Variants in NEBL observed in about 807,000 individuals in gnomAD.
NEBL encodes nebulette.
A neutral mutation model predicts 140.2 loss-of-function variants in NEBL; 122 were observed. The ratio of observed to expected loss-of-function variants is 0.87; its 90% CI spans 0.75 to 1.01. The LOEUF (loss-of-function observed/expected upper bound fraction) is 1.01, where lower values mean the gene tolerates loss of function less well. NEBL is among the 50% of genes least tolerant of loss of function. NEBL has a pLI of 0.00. For synonymous variants in NEBL, 436 were observed against 398.9 expected (o/e 1.09, Z -1.11); for missense variants, 1,365 against 1,231.3 (o/e 1.11, Z -1.62).
At chr10:20,973,090 C>T (rs1399597453) in intron 3 of NEBL, among the ~76,000 whole-genome samples, 1 of 152,094 alleles carries the variant, frequency 6.6e-6, no homozygotes, top group Non-Finnish European at 1.5e-5. Flanking sequence ...ATTACAGTGT[C>T]AGTTGTAAGA....
intron 2 of NEBL, among the ~76,000 whole-genome samples, chr10:21,049,728 C>G (rs554819369): frequency 2.5e-4 from 38 of 152,182 alleles, no homozygotes; most frequent in Admixed American, 4.6e-4. Context: ...TGCTTCTCCC[C>G]CTACTGCAGT....
At chr10:20,986,125 T>C (rs1837248528) in intron 3 of NEBL, among the ~76,000 whole-genome samples, 1 of 152,192 alleles carries the variant, frequency 6.6e-6, no homozygotes, top group African/African-American at 2.4e-5. Context: ...ACATCATAAT[T>C]CATTGTCCTC....
chr10:21,182,103 C>A lies in NEBL; in HGVS notation n.349-9626G>T, dbSNP rs140822610. 3.1e-3 allele frequency among the ~76,000 whole-genome samples: 464 copies of A among 151,032 alleles called. 4 individuals are homozygous for A. Among genetic ancestry groups the A allele is most frequent in the African/African-American group, 0.011 (441 of 41,248 alleles). On this transcript the variant is annotated intron_variant and non_coding_transcript_variant, in intron 3 of 8. Coordinates refer to the NEBL transcript ENST00000675702. ...AGGGCTAAGACTCATTTTAAAAAAT[C>A]TGGATATCATTATAAACTAAAATTT...
chr10:21,159,157 T>C (rs1211290037), intron 2 of NEBL, among the ~76,000 whole-genome samples: 1 of 152,186 alleles, frequency 6.6e-6, no homozygotes, highest in Non-Finnish European at 1.5e-5. Flanking sequence ...TCTGAAATAA[T>C]TAACACTTTT....
intron 3 of NEBL, among the ~76,000 whole-genome samples, chr10:21,221,258 T>G (rs1035853121): frequency 1.3e-5 from 2 of 152,182 alleles, no homozygotes; most frequent in African/African-American, 4.8e-5. Context: ...CGTTGTACAC[T>G]GTAAATATAT....
chr10:20,865,360 T>C (rs564232920), intron 7 of NEBL, among the ~76,000 whole-genome samples: 1 of 152,310 alleles, frequency 6.6e-6, no homozygotes, highest in East Asian at 1.9e-4. Flanking sequence ...AAGTAAATAC[T>C]GTTGCTGTCA....
At chr10:20,909,661 A>G (rs886880112) in intron 4 of NEBL, among the ~76,000 whole-genome samples, 1 of 152,220 alleles carries the variant, frequency 6.6e-6, no homozygotes, top group African/African-American at 2.4e-5. Context: ...TTTATACTAT[A>G]CAGTCTCTGA....
intron 1 of NEBL, among the ~76,000 whole-genome samples, chr10:21,253,206 G>T (rs939288943): frequency 6.6e-6 from 1 of 152,210 alleles, no homozygotes; most frequent in Non-Finnish European, 1.5e-5. Context: ...GGGAGGCGAA[G>T]GTTGCAGTGA....
At chr10:21,240,946 A>ACACACACACAC (rs61320302) in intron 3 of NEBL, among the ~76,000 whole-genome samples, 1 of 150,360 alleles carries the variant, frequency 6.7e-6, no homozygotes. Flanking sequence ...ACACACACAC[A>ACACACACACAC]AAACCAGTAT....
At chr10:21,115,520 G>A (rs1178568630) in intron 2 of NEBL, among the ~76,000 whole-genome samples, 1 of 151,784 alleles carries the variant, frequency 6.6e-6, no homozygotes, top group African/African-American at 2.4e-5. Flanking sequence ...CACTTTGTAT[G>A]GAAGTCTAGG....
At chr10:20,873,434 C>G (rs551780756) in intron 5 of NEBL, among the ~76,000 whole-genome samples, 1 of 152,040 alleles carries the variant, frequency 6.6e-6, no homozygotes, top group African/African-American at 2.4e-5. Flanking sequence ...GTTCCCTACT[C>G]TGTCCTCAGA....
intron 1 of NEBL, among the ~76,000 whole-genome samples, chr10:21,256,283 GTC>G (rs1304955515): frequency 6.6e-6 from 1 of 151,984 alleles, no homozygotes; most frequent in Admixed American, 6.5e-5. Flanking sequence ...GGCCAGGCTG[GTC>G]TCAAACTCCT....
intron 2 of NEBL, among the ~76,000 whole-genome samples, chr10:21,057,090 C>T (rs949721345): frequency 2.6e-5 from 4 of 151,936 alleles, no homozygotes; most frequent in East Asian, 1.9e-4. Context: ...ATACAAGTGG[C>T]CACAAAATAA....
intron 4 of NEBL, among the ~76,000 whole-genome samples, chr10:20,882,268 G>A (rs1373900076): frequency 6.6e-6 from 1 of 150,960 alleles, no homozygotes; most frequent in Non-Finnish European, 1.5e-5. Flanking sequence ...AGGAGGAAAG[G>A]AAGGAAAGGA....
At chr10:21,212,003 C>T (rs1417025461) in intron 3 of NEBL, among the ~76,000 whole-genome samples, 2 of 152,092 alleles carry the variant, frequency 1.3e-5, no homozygotes, top group Admixed American at 6.6e-5. Flanking sequence ...CTCTCTCTCT[C>T]TTCAGATATA....
intron 3 of NEBL, among the ~76,000 whole-genome samples, chr10:21,011,025 G>T (rs1838318620): frequency 6.6e-6 from 1 of 152,078 alleles, no homozygotes; most frequent in African/African-American, 2.4e-5. Flanking sequence ...TGCTATTTTG[G>T]CAGAAAAGAA....
At chr10:21,180,699 G>C (rs548913001) in intron 3 of NEBL, among the ~76,000 whole-genome samples, 12 of 152,152 alleles carry the variant, frequency 7.9e-5, no homozygotes, top group African/African-American at 2.9e-4. Context: ...ACCTTGTCCA[G>C]CTATCTAATT....
chr10:20,904,086 T>C (rs1225940013), intron 4 of NEBL, among the ~76,000 whole-genome samples: 2 of 152,086 alleles, frequency 1.3e-5, no homozygotes, highest in Admixed American at 1.3e-4. Flanking sequence ...CAAAATGCTA[T>C]AATAAAAGTT....
chr10:20,884,961 T>C lies in NEBL; in HGVS notation c.369+3136A>G, dbSNP rs148458122. ...AACTCTACATCTCTCTCTCTTTTTC[T>C]GGCATTTCTTCCTTTCAGGCATTTT... On this transcript the variant is annotated intron_variant, in intron 4 of 27. Coordinates refer to ENST00000377122, the MANE Select transcript of NEBL (RefSeq NM_006393.3). Among the ~76,000 whole-genome samples the C allele has an allele frequency of 7.1e-3, 1,081 of 152,374 alleles. 14 individuals carry two copies. Among genetic ancestry groups the C allele is most frequent in the African/African-American group, 0.025 (1,026 of 41,596 alleles).
Sources: gnomAD v4.1 joint callset for allele counts (sites outside exome capture counted in the v4.1 genomes callset) on GRCh38, gnomAD v4.1.1 for gene constraint, MANE v1.5 for transcripts, NCBI Gene and HGNC (gene_info 2026-07-23, HGNC 2026-07-21) for gene names.